Variants in ERCC6 observed in about 807,000 individuals in gnomAD.
The protein encoded by ERCC6 is DNA excision repair protein ERCC-6.
In ERCC6, 116 loss-of-function variants were observed where a neutral mutation model predicts 158.7. That is an observed-to-expected ratio of 0.73 (90% CI 0.63 to 0.85). The LOEUF (loss-of-function observed/expected upper bound fraction) is 0.85, where lower values mean the gene tolerates loss of function less well. ERCC6 is among the 40% of genes least tolerant of loss of function. ERCC6 has a pLI of 0.00. For missense variants in ERCC6, 1,698 were observed against 1,799.4 expected, an observed-to-expected ratio of 0.94 and a Z score of 1.02; for synonymous variants, 678 against 659.3, an observed-to-expected ratio of 1.03 and a Z score of -0.43.
At chr10:49,529,826 G>T (rs992463516) in intron 3 of ERCC6, among the ~76,000 whole-genome samples, 5 of 151,856 alleles carry the variant, frequency 3.3e-5, no homozygotes, top group African/African-American at 1.2e-4. Context: ...TTCACAAAGG[G>T]GTACATAAAT....
chr10:49,521,273 G>A (rs748447807), intron 5 of ERCC6, among the ~76,000 whole-genome samples: 15 of 152,188 alleles, frequency 9.9e-5, no homozygotes, highest in Admixed American at 2.0e-4. Context: ...CACCCTGAAG[G>A]GGAAAGGTTC....
chr10:49,485,320 A>G (rs569070568), intron 8 of ERCC6, among the ~76,000 whole-genome samples: 12 of 152,324 alleles, frequency 7.9e-5, no homozygotes, highest in Admixed American at 7.2e-4. Context: ...AAGGCAGCCA[A>G]ATCCAAAGCT....
intron 18 of ERCC6, among the ~76,000 whole-genome samples, chr10:49,466,635 C>T (rs1564727697): frequency 6.6e-6 from 1 of 152,190 alleles, no homozygotes; most frequent in African/African-American, 2.4e-5. Context: ...CCGTCAAATA[C>T]CCCATGCCCA....
intron 10 of ERCC6, 91 bp downstream of exon 10, chr10:49,482,596 C>A: frequency 9.7e-7 from 1 of 1,025,786 alleles, no homozygotes. Context: ...ATCTTTCTCA[C>A]ATTCTGAATG....
chr10:49,478,217 G>A, intron 11 of ERCC6, 137 bp downstream of exon 11: 4 of 776,120 alleles, frequency 5.2e-6, no homozygotes, highest in South Asian at 2.7e-5. Context: ...GAGGGCAGAC[G>A]CCACAGCGGG....
chr10:49,519,847 C>T (rs564836870), intron 5 of ERCC6, among the ~76,000 whole-genome samples: 2 of 152,204 alleles, frequency 1.3e-5, no homozygotes, highest in African/African-American at 4.8e-5. Context: ...TCAGAGTCAG[C>T]GGGAGCTCAG....
chr10:49,525,290 CA>C (rs1311775280), intron 4 of ERCC6: 1 of 158,918 alleles, frequency 6.3e-6, no homozygotes, highest in Non-Finnish European at 1.4e-5. Flanking sequence ...CAGTCACCTG[CA>C]GCTATTTAAA....
In ERCC6 at chr10:49,524,616, C is replaced by T. The variant is rs768589918; in HGVS notation, c.814G>A (p.Glu272Lys). ...KIMLNEASGF[E>K]KYLADQAKLS... ...TTTGCTTGATCTGCCAAATACTTTT[C>T]GAAGCCTGATGCTTCATTAAGCATG... The change falls in exon 5 of 21, where the codon GAA (glutamate) becomes AAA (lysine). Residue 272 changes from glutamate to lysine, a missense_variant. Coordinates refer to ENST00000355832, the MANE Select transcript of ERCC6 (RefSeq NM_000124.4). 16 of 1,614,028 alleles carry T rather than the reference C, an allele frequency of 9.9e-6. No individual in the cohort carries two copies. Among genetic ancestry groups the T allele is most frequent in the East Asian group, 2.2e-5 (1 of 44,890 alleles).
chr10:49,436,095 A>T, the ERCC6 span, among the ~76,000 whole-genome samples: 1 of 152,120 alleles, frequency 6.6e-6, no homozygotes, highest in Admixed American at 6.5e-5. Context: ...GAATTAACAG[A>T]CTAAATTCCA....
Position 49,461,544 on chromosome 10 carries a change from CTG to C in ERCC6, c.3789_3790del (p.His1263GlnfsTer67). 3 of 1,613,686 alleles carry C rather than the reference CTG, an allele frequency of 1.9e-6. No individual in the cohort carries two copies. The highest frequency in any genetic ancestry group is 2.5e-6 in the Non-Finnish European group (3 of 1,179,818). On this transcript the variant is annotated frameshift_variant, in exon 19 of 21. Transcript: ENST00000355832. LOFTEE classifies it high-confidence loss of function. ...CATGATGGCATCGTGCTTCATGACA[CTG>C]TGCACGCCAACTAGCAAGAAAAGAA...
intron 3 of ERCC6, among the ~76,000 whole-genome samples, chr10:49,530,215 G>C (rs887493367): frequency 6.6e-6 from 1 of 152,196 alleles, no homozygotes; most frequent in African/African-American, 2.4e-5. Context: ...AGTGAGGCAA[G>C]CAACACCAAA....
rs1031499131 is a variant in ERCC6, at chr10:49,460,123, G to GT, written c.4062+249dup. 3 of 557,654 alleles carry GT rather than the reference G, an allele frequency of 5.4e-6. No individual in the cohort carries two copies. The African/African-American group carries it at 5.7e-5, about 11-fold the overall frequency. 34.5% of individuals were successfully genotyped at this position (557,654 alleles called of 1,614,324 possible). ...TCCTAGCAGCGACACACCTATCCCT[G>GT]TGTCAACCTTCTAATGGCAAAACAG... is the stretch of plus-strand genomic sequence containing the variant. On this transcript the variant is annotated intron_variant, in intron 20 of 20. Coordinates refer to ENST00000355832, the MANE Select transcript of ERCC6 (RefSeq NM_000124.4).
chr10:49,525,123 A>G (rs1837282105), intron 4 of ERCC6: 1 of 296,926 alleles, frequency 3.4e-6, no homozygotes, highest in East Asian at 9.5e-5. Context: ...GTAGTCGTCC[A>G]TGAGGAAGCA....
At position 49,463,654 on chromosome 10, in the gene ERCC6, C is replaced by A. The variant is rs187165709; in HGVS notation, c.3779-2098G>T. Among the ~76,000 whole-genome samples, 3 of 152,290 alleles carry A rather than the reference C, an allele frequency of 2.0e-5. No homozygotes were observed. The East Asian group carries it at 5.8e-4, about 29-fold the overall frequency. On this transcript the variant is annotated intron_variant, in intron 18 of 20. Transcript: ENST00000355832. ...TGAATTGTAACTCCCACAATTCCCACGTGACATGGGAGGAACCCAGTGGGA... is the reference window on the plus strand; with the variant it reads ...TGAATTGTAACTCCCACAATTCCCAAGTGACATGGGAGGAACCCAGTGGGA...
chr10:49,532,755 T>C lies in ERCC6; in HGVS notation c.210A>G (p.Pro70=), dbSNP rs1837500215. 5 of 1,614,250 alleles carry C rather than the reference T, an allele frequency of 3.1e-6. No individual in the cohort carries two copies. Among genetic ancestry groups the C allele is most frequent in the Non-Finnish European group, 3.4e-6 (4 of 1,180,050 alleles). The part of the protein sequence containing the change: ...GCASAAPRRG[P]ALLHIDRHQI... ...GATGTCGGTCGATGTGCAGCAGGGC[T>C]GGCCCTCTCCTCGGAGCTGCTGATG... Residue 70 remains proline (P), a synonymous_variant, in exon 2 of 21, where the codon CCA becomes CCG. Transcript: ENST00000355832.
intron 5 of ERCC6, chr10:49,515,497 G>C: frequency 6.2e-7 from 1 of 1,614,114 alleles, no homozygotes. Flanking sequence ...TTACGCTTCT[G>C]AGGTCTTCCT....
chr10:49,481,276 G>A (rs1013019230), intron 10 of ERCC6, among the ~76,000 whole-genome samples: 1 of 152,002 alleles, frequency 6.6e-6, no homozygotes, highest in African/African-American at 2.4e-5. Context: ...TTTCTTGTTT[G>A]TTTGTTCTTT....
chr10:49,527,553 G>A (rs1472926900), intron 4 of ERCC6, among the ~76,000 whole-genome samples: 1 of 152,190 alleles, frequency 6.6e-6, no homozygotes, highest in African/African-American at 2.4e-5. Context: ...GTATGCGCCT[G>A]TAATCCAGCT....
chr10:49,496,810 G>GAACA (rs202166883), intron 7 of ERCC6, among the ~76,000 whole-genome samples: 1 of 151,986 alleles, frequency 6.6e-6, no homozygotes, highest in Non-Finnish European at 1.5e-5. Flanking sequence ...CTCTGTCTCA[G>GAACA]AACAAACAAA....
Sources: gnomAD v4.1 joint callset for allele counts (sites outside exome capture counted in the v4.1 genomes callset) on GRCh38, gnomAD v4.1.1 for gene constraint, MANE v1.5 for transcripts, NCBI Gene and HGNC (gene_info 2026-07-23, HGNC 2026-07-21) for gene names.